Variants in SMARCE1 observed in about 807,000 individuals in gnomAD.
The protein encoded by SMARCE1 is SWI/SNF-related matrix-associated actin-dependent regulator of chromatin subfamily E member 1.
In SMARCE1, 13 loss-of-function variants were observed where a neutral mutation model predicts 54.9. The observed-to-expected ratio is 0.24, with a 90% CI of 0.15 to 0.38. SMARCE1 has a LOEUF of 0.38. Ranked by LOEUF, SMARCE1 falls within the 10% of genes least tolerant of loss-of-function variation. SMARCE1 has a pLI of 1.00. For missense variants in SMARCE1, 295 were observed against 523.8 expected, an observed-to-expected ratio of 0.56 and a Z score of 4.26; for synonymous variants, 151 against 175.3, an observed-to-expected ratio of 0.86 and a Z score of 1.10.
Position 40,627,221 on chromosome 17 carries a change from T to C in SMARCE1, c.*1564A>G, listed in dbSNP as rs927307511. The stretch of plus-strand genomic sequence containing the variant: ...CACACAAGGAAACAGATGTCAAGAG[T>C]TGTTTCCACCCAGTATCAAGCTTCC... On this transcript the variant is annotated 3_prime_UTR_variant, in exon 11 of 11. Coordinates refer to ENST00000348513, the MANE Select transcript of SMARCE1 (RefSeq NM_003079.5). 7 of 152,022 alleles carry C rather than the reference T, an allele frequency of 4.6e-5. No individual in the cohort carries two copies. Among genetic ancestry groups the C allele is most frequent in the Admixed American group, 2.0e-4 (3 of 15,276 alleles). The allele number at this position is 152,022 out of a possible 1,614,324, so 9.4% of individuals were successfully genotyped here. A position where few individuals can be genotyped will look rare whatever the true frequency, so the allele number is the denominator to read the frequency against.
chr17:40,638,047 A>C (rs898650329), intron 4 of SMARCE1, among the ~76,000 whole-genome samples: 1 of 152,174 alleles, frequency 6.6e-6, no homozygotes, highest in Non-Finnish European at 1.5e-5. Flanking sequence ...CACCACCACA[A>C]AAACAACTTC....
At chr17:40,647,180 T>C (rs1332259560) in intron 1 of SMARCE1, 1 of 152,208 alleles carries the variant, frequency 6.6e-6, no homozygotes, top group Non-Finnish European at 1.5e-5. Flanking sequence ...CCGATAAATA[T>C]TTGTTCAAGA....
intron 4 of SMARCE1, among the ~76,000 whole-genome samples, chr17:40,639,513 T>A (rs958565650): frequency 6.6e-6 from 1 of 152,198 alleles, no homozygotes; most frequent in African/African-American, 2.4e-5. Flanking sequence ...TATTTGCTCT[T>A]TGATATTTTT....
chr17:40,631,731 T>C, intron 8 of SMARCE1, 38 bp from the exon 9 acceptor site: 1 of 1,119,222 alleles, frequency 8.9e-7, no homozygotes, highest in Non-Finnish European at 1.4e-6. Context: ...TGTGTCTCAT[T>C]TTTTAATGGT....
rs2037029122 is a variant in SMARCE1 at position 40,625,784 on chromosome 17, CATT to C, written c.*2998_*3000del. 6.6e-6 allele frequency: 1 copy of C among 152,164 alleles called. No individual in the cohort carries two copies. The highest frequency in any genetic ancestry group is 2.1e-4 in the South Asian group (1 of 4,832). The allele number at this position is 152,164 out of a possible 1,614,324, so 9.4% of individuals were successfully genotyped here. A position where few individuals can be genotyped will look rare whatever the true frequency, so the allele number is the denominator to read the frequency against. ...TTTTATCTTTTCCATAGGGCATTGA[CATT>C]ATTGTGTTAATGTGAAATAGCTATT... On this transcript the variant is annotated 3_prime_UTR_variant, in exon 11 of 11. Transcript: ENST00000348513.
chr17:40,629,796 A>T, intron 10 of SMARCE1: 2 of 388,506 alleles, frequency 5.1e-6, no homozygotes, highest in Non-Finnish European at 9.1e-6. Context: ...TTAACCACAA[A>T]AATGTGCTCA....
At chr17:40,638,380 T>G (rs1220681134) in intron 4 of SMARCE1, among the ~76,000 whole-genome samples, 1 of 151,792 alleles carries the variant, frequency 6.6e-6, no homozygotes, top group African/African-American at 2.4e-5. Flanking sequence ...AAAGATGTGA[T>G]GTACAGGAAA....
Position 40,625,082 on chromosome 17 carries a change from G to A in SMARCE1, c.*3703C>T, listed in dbSNP as rs532062851. On this transcript the variant is annotated 3_prime_UTR_variant, in exon 11 of 11. Transcript: ENST00000348513. ...CATTTCACACTTAGAAAGCTGCCAC[G>A]AAGAGCTTATTCTTGGAGTATAAAA... 6.6e-6 allele frequency: 1 copy of A among 152,334 alleles called. No homozygotes were observed. The highest frequency in any genetic ancestry group is 1.9e-4 in the East Asian group (1 of 5,196). The allele number at this position is 152,334 out of a possible 1,614,324, so 9.4% of individuals were successfully genotyped here.
intron 5 of SMARCE1, 33 bp from the exon 6 acceptor site, chr17:40,636,559 G>GA (rs759253086): frequency 1.1e-5 from 18 of 1,572,920 alleles, no homozygotes; most frequent in Non-Finnish European, 1.5e-5. Flanking sequence ...TGTTAATACT[G>GA]ATGTCTAAAC....
At position 40,628,709 on chromosome 17, in the gene SMARCE1, C is replaced by T. The variant is rs769253509; in HGVS notation, c.*76G>A. 4.7e-5 allele frequency: 57 copies of T among 1,211,954 alleles called. No homozygotes were observed. The highest frequency in any genetic ancestry group is 7.2e-5 in the Admixed American group (4 of 55,918). 75.1% of individuals were successfully genotyped at this position (1,211,954 alleles called of 1,614,324 possible). On this transcript the variant is annotated 3_prime_UTR_variant, in exon 11 of 11. Coordinates refer to ENST00000348513, the MANE Select transcript of SMARCE1 (RefSeq NM_003079.5). ...ACAAGAAAAAAAATTAATACACAAACCACGTAACACCATTAAAACCAAAAA... is the reference window on the plus strand; with the variant it reads ...ACAAGAAAAAAAATTAATACACAAATCACGTAACACCATTAAAACCAAAAA...
intron 3 of SMARCE1, chr17:40,644,292 T>A (rs758838180): frequency 6.6e-6 from 1 of 150,886 alleles, no homozygotes; most frequent in African/African-American, 2.4e-5. Context: ...GCATAAATAA[T>A]AAGAATCACT....
Position 40,642,137 on chromosome 17 carries a change from C to T in SMARCE1, c.156+318G>A. On this transcript the variant is annotated intron_variant, in intron 4 of 10. Coordinates refer to ENST00000348513, the MANE Select transcript of SMARCE1 (RefSeq NM_003079.5). This position sits in a 1 kb window ranked among gnomAD's most constrained non-coding sequence, Gnocchi z 4.6. ...AATCACCTTATAAAAATGAAAAATA[C>T]TCTTTATGTCAAAAAGGATATTTTT... is the stretch of plus-strand genomic sequence containing the variant. 8.2e-6 allele frequency: 4 copies of T among 490,082 alleles called. No individual in the cohort carries two copies. The highest frequency in any genetic ancestry group is 1.1e-5 in the Non-Finnish European group (3 of 282,064). The allele number at this position is 490,082 out of a possible 1,614,324, so 30.4% of individuals were successfully genotyped here.
At chr17:40,643,489 C>T (rs1170528711) in intron 3 of SMARCE1, 1 of 152,130 alleles carries the variant, frequency 6.6e-6, no homozygotes, top group Non-Finnish European at 1.5e-5. Context: ...TCTTATATAG[C>T]AGTAGCCTTG....
intron 5 of SMARCE1, 61 bp from the exon 6 acceptor site, chr17:40,636,587 T>C (rs2143997595): frequency 1.5e-6 from 2 of 1,350,080 alleles, no homozygotes; most frequent in Non-Finnish European, 1.0e-6. Context: ...CCTTTAAAAA[T>C]AGTTTTTAAT....
intron 2 of SMARCE1, 74 bp from the exon 3 acceptor site, chr17:40,645,693 C>A: frequency 8.5e-7 from 1 of 1,181,456 alleles, no homozygotes; most frequent in South Asian, 1.7e-5. Flanking sequence ...TACCAATGGT[C>A]CTGTTTTGAA....
intron 5 of SMARCE1, 87 bp downstream of exon 5, chr17:40,637,405 G>A: frequency 3.7e-6 from 4 of 1,075,888 alleles, no homozygotes; most frequent in Non-Finnish European, 4.3e-6. Context: ...GCACAGAAAA[G>A]CTGGCTAAGC....
Position 40,627,564 on chromosome 17 carries a change from T to TA in SMARCE1, c.*1220dup, listed in dbSNP as rs2037047807. On this transcript the variant is annotated 3_prime_UTR_variant, in exon 11 of 11. Coordinates refer to ENST00000348513, the MANE Select transcript of SMARCE1 (RefSeq NM_003079.5). Reference sequence around the variant, plus strand: ...GTACAAATAAGCTACTGCAGCAGTTTATAGAGATAGTTGGGTGAGACAAGG... The same window carrying TA: ...GTACAAATAAGCTACTGCAGCAGTTTAATAGAGATAGTTGGGTGAGACAAGG... 2 of 152,464 alleles carry TA rather than the reference T, an allele frequency of 1.3e-5. No individual in the cohort carries two copies. Among genetic ancestry groups the TA allele is most frequent in the Non-Finnish European group, 2.9e-5 (2 of 68,040 alleles). The allele number at this position is 152,464 out of a possible 1,614,324, so 9.4% of individuals were successfully genotyped here.
chr17:40,636,340 C>G lies in SMARCE1; in HGVS notation c.369+55G>C, dbSNP rs545192533. The G allele has an allele frequency of 6.5e-6, 10 of 1,543,244 alleles. No homozygotes were observed. In the African/African-American group the frequency reaches 1.4e-4, roughly 21 times the overall value. ...TTATGTTACTTTTATAAATAGTAAGCCAATGTTTTATGTACTTTACACATT... is the reference window on the plus strand; with the variant it reads ...TTATGTTACTTTTATAAATAGTAAGGCAATGTTTTATGTACTTTACACATT... On this transcript the variant is annotated intron_variant, in intron 6 of 10. Coordinates refer to ENST00000348513, the MANE Select transcript of SMARCE1 (RefSeq NM_003079.5).
chr17:40,625,737 C>G lies in SMARCE1; in HGVS notation c.*3048G>C, dbSNP rs751909620. The G allele has an allele frequency of 5.3e-4, 80 of 152,262 alleles. No individual in the cohort carries two copies. Among genetic ancestry groups the G allele is most frequent in the African/African-American group, 1.9e-3 (78 of 41,532 alleles). 9.4% of individuals were successfully genotyped at this position (152,262 alleles called of 1,614,324 possible). On this transcript the variant is annotated 3_prime_UTR_variant, in exon 11 of 11. Transcript: ENST00000348513. ...TTCAATATGCATGACCCCAGATTCC[C>G]CTTTAAAATATAGTCCAAGTATTTT...
Sources: allele counts gnomAD v4.1 joint callset (sites outside exome capture counted in the v4.1 genomes callset), GRCh38; gene constraint gnomAD v4.1.1; non-coding constraint Gnocchi (gnomAD v3.1); transcripts MANE v1.5; gene names NCBI Gene and HGNC (gene_info 2026-07-23, HGNC 2026-07-21).